GAREM1: variants seen among roughly 807,000 people sequenced by gnomAD.
GAREM1 encodes GRB2-associated and regulator of MAPK protein 1.
Under a neutral mutation model 71.3 loss-of-function variants are expected in GAREM1, and 26 were observed. That is an observed-to-expected ratio of 0.36 (90% confidence interval 0.27 to 0.51). The LOEUF is 0.51. Among genes scored for constraint, GAREM1 ranks in the 20% least tolerant of loss-of-function variants. The pLI is 0.95. For missense variants in GAREM1, 1,026 were observed against 1,103.1 expected (o/e 0.93, Z 0.99); for synonymous variants, 440 against 433.2 (o/e 1.02, Z -0.20).
At chr18:32,277,751 G>C (rs557138582) in intron 4 of GAREM1, among the ~76,000 whole-genome samples, 20 of 152,264 alleles carry the variant, frequency 1.3e-4, no homozygotes, top group African/African-American at 4.3e-4. Flanking sequence ...ATTGAGCACA[G>C]GTCAAGGATC....
chr18:32,381,375 CAG>C (rs1251066883), intron 2 of GAREM1, among the ~76,000 whole-genome samples: 1 of 152,128 alleles, frequency 6.6e-6, no homozygotes, highest in Non-Finnish European at 1.5e-5. Context: ...TAATAATAAA[CAG>C]AGTAAGAAAA....
chr18:32,412,462 C>G lies in GAREM1; in HGVS notation c.122-19427G>C, dbSNP rs1489626336. 1.9e-6 allele frequency: 3 copies of G among 1,591,276 alleles called. No individual in the cohort carries two copies. In the African/African-American group the frequency reaches 4.0e-5, roughly 21 times the overall value. Reference sequence around the variant, plus strand: ...AATCCATTAGAGCCATCCCCACTGCCACCATATCTACCACCAGCACGGCTG... The same window carrying G: ...AATCCATTAGAGCCATCCCCACTGCGACCATATCTACCACCAGCACGGCTG... On this transcript the variant is annotated intron_variant, in intron 1 of 5. Coordinates refer to ENST00000269209, the MANE Select transcript of GAREM1 (RefSeq NM_001242409.2).
At chr18:32,413,009 G>GC (rs2048435039) in intron 1 of GAREM1, 1 of 1,597,916 alleles carries the variant, frequency 6.3e-7, no homozygotes, top group Non-Finnish European at 8.5e-7. Context: ...CAAACCCAAA[G>GC]CCCCTGGAGC....
Position 32,287,246 on chromosome 18 carries a change from G to C in GAREM1, c.1351C>G (p.Leu451Val), listed in dbSNP as rs184414230. ...ESAGIPGKSE[L>V]PYEELWLEEG... Reference sequence around the variant, plus strand: ...TCCAGCCACAGCTCTTCGTAGGGAAGTTCTGACTTTCCCGGGATGCCTGCT... The same window carrying C: ...TCCAGCCACAGCTCTTCGTAGGGAACTTCTGACTTTCCCGGGATGCCTGCT... The change falls in exon 4 of 6, where the codon CTT (leucine) becomes GTT (valine). Residue 451 changes from leucine to valine, a missense_variant. This residue lies in a region of GAREM1 where 636 missense variants were observed against 631.2 expected (regional missense o/e 1.01). Transcript: ENST00000269209. The surrounding 1 kb of genome is among the most constrained non-coding windows in gnomAD (Gnocchi z 5.9). 2 of 1,614,114 alleles carry C rather than the reference G, an allele frequency of 1.2e-6. No homozygotes were observed. The highest frequency in any genetic ancestry group is 2.7e-5 in the African/African-American group (2 of 74,950).
intron 1 of GAREM1, among the ~76,000 whole-genome samples, chr18:32,441,014 C>A: frequency 6.6e-6 from 1 of 152,056 alleles, no homozygotes. Flanking sequence ...TCTTTCTTAG[C>A]TGTATATTTA....
Position 32,264,385 on chromosome 18 carries a change from T to C in GAREM1, c.*3486A>G, listed in dbSNP as rs1228869213. On this transcript the variant is annotated 3_prime_UTR_variant, in exon 6 of 6. Transcript: ENST00000269209. The stretch of plus-strand genomic sequence containing the variant: ...TTAATCTTATACTTGCTAGGCACGA[T>C]GAGTAGTGACTTATACAAAGTGTTT... 2 of 152,200 alleles carry C rather than the reference T, an allele frequency of 1.3e-5. No homozygotes were observed. The highest frequency in any genetic ancestry group is 4.8e-5 in the African/African-American group (2 of 41,462). 9.4% of individuals were successfully genotyped at this position (152,200 alleles called of 1,614,324 possible). A position where few individuals can be genotyped will look rare whatever the true frequency, so the allele number is the denominator to read the frequency against.
intron 1 of GAREM1, among the ~76,000 whole-genome samples, chr18:32,404,493 G>A (rs1823915803): frequency 6.6e-6 from 1 of 151,564 alleles, no homozygotes; most frequent in African/African-American, 2.4e-5. Flanking sequence ...GAAAAGGCAA[G>A]TATATATGTG....
At chr18:32,364,435 G>A (rs1267704886) in intron 2 of GAREM1, among the ~76,000 whole-genome samples, 1 of 151,092 alleles carries the variant, frequency 6.6e-6, no homozygotes, top group Non-Finnish European at 1.5e-5. Context: ...ACACATGCAC[G>A]TGCAAGTGCG....
chr18:32,407,648 C>T (rs770722177), intron 1 of GAREM1, among the ~76,000 whole-genome samples: 7 of 152,134 alleles, frequency 4.6e-5, no homozygotes, highest in Non-Finnish European at 8.8e-5. Flanking sequence ...AGTATGTGCC[C>T]TTCTCTTCCC....
chr18:32,462,829 G>C (rs569106398), intron 1 of GAREM1, among the ~76,000 whole-genome samples: 2 of 152,130 alleles, frequency 1.3e-5, no homozygotes, highest in African/African-American at 4.8e-5. Flanking sequence ...ATGATAGATA[G>C]GGGTCCAGCA....
intron 1 of GAREM1, among the ~76,000 whole-genome samples, chr18:32,430,659 A>T (rs1464889059): frequency 6.6e-6 from 1 of 152,248 alleles, no homozygotes; most frequent in Non-Finnish European, 1.5e-5. Flanking sequence ...AGAAGAGGAC[A>T]TGACTTTGAT....
intron 4 of GAREM1, among the ~76,000 whole-genome samples, chr18:32,279,105 C>T (rs1306411408): frequency 6.6e-6 from 1 of 152,160 alleles, no homozygotes; most frequent in Non-Finnish European, 1.5e-5. Context: ...AAGATCTTTC[C>T]TGAGCAAGGA....
chr18:32,453,829 T>C (rs895566611), intron 1 of GAREM1, among the ~76,000 whole-genome samples: 1 of 152,120 alleles, frequency 6.6e-6, no homozygotes, highest in Non-Finnish European at 1.5e-5. Context: ...TGTTGTATAT[T>C]GTACAAAGAA....
Position 32,287,225 on chromosome 18 carries a change from G to T in GAREM1, c.1372C>A (p.Leu458Met), listed in dbSNP as rs746286196. The change falls in exon 4 of 6, where the codon CTG (leucine) becomes ATG (methionine). Residue 458 changes from leucine (L) to methionine (M), a missense_variant. By Grantham distance (15) the Leu-to-Met change is conservative. Coordinates refer to ENST00000269209, the MANE Select transcript of GAREM1 (RefSeq NM_001242409.2). This position sits in a 1 kb window ranked among gnomAD's most constrained non-coding sequence, Gnocchi z 5.9. ...TGATGGCTGGGCTTGCCTTCCTCCA[G>T]CCACAGCTCTTCGTAGGGAAGTTCT... Reference protein sequence around the residue: ...KSELPYEELWLEEGKPSHQPL... With the variant: ...KSELPYEELWMEEGKPSHQPL... 1 of 1,614,214 alleles carries T rather than the reference G, an allele frequency of 6.2e-7. No homozygotes were observed. The highest frequency in any genetic ancestry group is 1.6e-4 in the Middle Eastern group (1 of 6,062).
chr18:32,420,497 T>C (rs2144695847), intron 1 of GAREM1, among the ~76,000 whole-genome samples: 1 of 152,286 alleles, frequency 6.6e-6, no homozygotes, highest in South Asian at 2.1e-4. Flanking sequence ...CCCCACTTTA[T>C]GGATTCACTA....
intron 2 of GAREM1, among the ~76,000 whole-genome samples, chr18:32,329,448 C>G (rs1254862348): frequency 6.6e-6 from 1 of 151,808 alleles, no homozygotes; most frequent in Non-Finnish European, 1.5e-5. Context: ...TCGCTCACGC[C>G]TACAATCCCA....
intron 2 of GAREM1, among the ~76,000 whole-genome samples, chr18:32,333,057 T>C (rs1373342430): frequency 6.6e-6 from 1 of 151,664 alleles, no homozygotes; most frequent in African/African-American, 2.4e-5. Context: ...ATGTATTCAG[T>C]AGGCTGCTGA....
At position 32,470,564 on chromosome 18, in the gene GAREM1, G is replaced by A. The variant is rs1053227713; in HGVS notation, c.-136C>T. 5.6e-6 allele frequency: 3 copies of A among 531,058 alleles called. No individual in the cohort carries two copies. Among genetic ancestry groups the A allele is most frequent in the Non-Finnish European group, 2.4e-6 (1 of 417,376 alleles). The allele number at this position is 531,058 out of a possible 1,614,324, so 32.9% of individuals were successfully genotyped here. A position where few individuals can be genotyped will look rare whatever the true frequency, so the allele number is the denominator to read the frequency against. On this transcript the variant is annotated 5_prime_UTR_variant, in exon 1 of 6. Transcript: ENST00000269209. The surrounding 1 kb of genome is among the most constrained non-coding windows in gnomAD (Gnocchi z 4.4). The stretch of plus-strand genomic sequence containing the variant: ...GGGCAGCTCCGGCCGCGGGCAGCCG[G>A]GGGGGCGCGGCGACTGGGGCGGCCC...
At chr18:32,394,651 G>A (rs2048233384) in intron 1 of GAREM1, among the ~76,000 whole-genome samples, 1 of 152,074 alleles carries the variant, frequency 6.6e-6, no homozygotes, top group Admixed American at 6.6e-5. Flanking sequence ...TACTGCCTGG[G>A]GGCCAGTGGT....
Sources: gnomAD v4.1 joint callset for allele counts (sites outside exome capture counted in the v4.1 genomes callset) on GRCh38, gnomAD v4.1.1 for gene constraint, gnomAD v4.1.1 regional missense constraint, Gnocchi (gnomAD v3.1) non-coding constraint, MANE v1.5 for transcripts, NCBI Gene and HGNC (gene_info 2026-07-23, HGNC 2026-07-21) for gene names.